TSPAN12: variants seen among roughly 807,000 people sequenced by gnomAD.
The protein encoded by TSPAN12 is tetraspanin 12.
In TSPAN12, 19 loss-of-function variants were observed where a neutral mutation model predicts 39.2. That is an observed-to-expected ratio of 0.49 (90% CI 0.34 to 0.71). The LOEUF (loss-of-function observed/expected upper bound fraction) is 0.71. Ranked by LOEUF, TSPAN12 falls within the 30% of genes least tolerant of loss-of-function variation. The pLI is 0.01. For synonymous variants in TSPAN12, 119 were observed against 124.8 expected, an observed-to-expected ratio of 0.95 and a Z score of 0.31; for missense variants, 314 against 359.9, an observed-to-expected ratio of 0.87 and a Z score of 1.03.
chr7:120,789,221 A>G (rs1381623874), intron 7 of TSPAN12, among the ~76,000 whole-genome samples: 1 of 152,178 alleles, frequency 6.6e-6, no homozygotes, highest in Non-Finnish European at 1.5e-5. Flanking sequence ...AGAGACAGAT[A>G]GTAAATATTT....
intron 4 of TSPAN12, among the ~76,000 whole-genome samples, chr7:120,824,777 TA>T (rs1481587257): frequency 6.6e-6 from 1 of 152,200 alleles, no homozygotes; most frequent in African/African-American, 2.4e-5. Flanking sequence ...TTCTAACTTT[TA>T]TTCATCTAAT....
At chr7:120,830,688 A>G (rs1251869569) in intron 4 of TSPAN12, among the ~76,000 whole-genome samples, 1 of 152,126 alleles carries the variant, frequency 6.6e-6, no homozygotes, top group African/African-American at 2.4e-5. Context: ...AAACTGTAAA[A>G]CTAGTAGAAG....
At chr7:120,853,493 T>TATATATATATAC (rs10639551) in intron 2 of TSPAN12, among the ~76,000 whole-genome samples, 73 of 145,918 alleles carry the variant, frequency 5.0e-4, no homozygotes, top group Admixed American at 1.2e-3. Context: ...TATATATATA[T>TATATATATATAC]ACACACACAT....
At chr7:120,851,147 G>A (rs1447077366) in intron 2 of TSPAN12, among the ~76,000 whole-genome samples, 1 of 152,180 alleles carries the variant, frequency 6.6e-6, no homozygotes, top group African/African-American at 2.4e-5. Context: ...ATTTTAATAT[G>A]ATTCATAAAT....
At chr7:120,834,380 T>C (rs1794439896) in intron 4 of TSPAN12, among the ~76,000 whole-genome samples, 1 of 152,212 alleles carries the variant, frequency 6.6e-6, no homozygotes, top group Admixed American at 6.5e-5. Context: ...ATGAAATTCA[T>C]GACCAAGGTT....
At chr7:120,840,546 T>C (rs912630880) in intron 2 of TSPAN12, among the ~76,000 whole-genome samples, 1 of 152,204 alleles carries the variant, frequency 6.6e-6, no homozygotes, top group Non-Finnish European at 1.5e-5. Flanking sequence ...ATTCAAATAA[T>C]TTAAGCATTA....
chr7:120,815,933 C>T lies in TSPAN12; in HGVS notation c.286-130G>A, dbSNP rs1257459558. 3 of 731,114 alleles carry T rather than the reference C, an allele frequency of 4.1e-6. No homozygotes were observed. In the East Asian group the frequency reaches 8.1e-5, roughly 20 times the overall value. 45.3% of individuals were successfully genotyped at this position (731,114 alleles called of 1,614,324 possible). Reference sequence around the variant, plus strand: ...AAGTTTTCATGAAGCCCCTCAGAAGCAGATGGGGAAATTATCAGCAAATTT... The same window carrying T: ...AAGTTTTCATGAAGCCCCTCAGAAGTAGATGGGGAAATTATCAGCAAATTT... On this transcript the variant is annotated intron_variant, in intron 4 of 7. Transcript: ENST00000222747.
intron 2 of TSPAN12, among the ~76,000 whole-genome samples, chr7:120,847,348 G>T (rs1033273692): frequency 6.6e-6 from 1 of 151,918 alleles, no homozygotes; most frequent in African/African-American, 2.4e-5. Context: ...CAGTCTGAAA[G>T]ATTAGACTAT....
At chr7:120,794,083 T>C (rs1793584558) in intron 7 of TSPAN12, among the ~76,000 whole-genome samples, 1 of 152,236 alleles carries the variant, frequency 6.6e-6, no homozygotes, top group Admixed American at 6.5e-5. Flanking sequence ...GCTTACTCTT[T>C]CCTTTAACTT....
chr7:120,831,955 A>T (rs1794398168), intron 4 of TSPAN12, among the ~76,000 whole-genome samples: 1 of 152,106 alleles, frequency 6.6e-6, no homozygotes, highest in Non-Finnish European at 1.5e-5. Context: ...TGATAATTAC[A>T]AATAAAAAAT....
chr7:120,851,905 T>C (rs7781969), intron 2 of TSPAN12, among the ~76,000 whole-genome samples: 7,531 of 152,272 alleles, frequency 0.049, 624 homozygotes, highest in African/African-American at 0.17. Flanking sequence ...ATCTGGCTTC[T>C]TCATGATGTG....
At chr7:120,825,407 A>T (rs1049294323) in intron 4 of TSPAN12, among the ~76,000 whole-genome samples, 5 of 152,124 alleles carry the variant, frequency 3.3e-5, no homozygotes, top group Admixed American at 2.0e-4. Context: ...TCTCCCCCCA[A>T]CTAAAAGTTA....
At chr7:120,849,254 A>C (rs1251569769) in intron 2 of TSPAN12, among the ~76,000 whole-genome samples, 1 of 152,230 alleles carries the variant, frequency 6.6e-6, no homozygotes, top group Non-Finnish European at 1.5e-5. Context: ...AGAAAGTGCT[A>C]GCTTTCAACA....
chr7:120,807,585 C>A (rs1208901503), intron 6 of TSPAN12, among the ~76,000 whole-genome samples: 1 of 152,078 alleles, frequency 6.6e-6, no homozygotes, highest in African/African-American at 2.4e-5. Flanking sequence ...ACTGGCTATG[C>A]AAATTATGCA....
intron 4 of TSPAN12, among the ~76,000 whole-genome samples, chr7:120,826,133 T>C (rs774548131): frequency 1.3e-5 from 2 of 152,204 alleles, no homozygotes; most frequent in South Asian, 4.1e-4. Flanking sequence ...AAATTGTATC[T>C]TAATTTACTC....
intron 2 of TSPAN12, among the ~76,000 whole-genome samples, chr7:120,849,551 G>A (rs1794732750): frequency 6.6e-6 from 1 of 152,186 alleles, no homozygotes. Flanking sequence ...GATGACAGCT[G>A]TCTAAAACCA....
chr7:120,848,616 C>T (rs1229431542), intron 2 of TSPAN12, among the ~76,000 whole-genome samples: 1 of 152,176 alleles, frequency 6.6e-6, no homozygotes, highest in Non-Finnish European at 1.5e-5. Context: ...TAAAACTTTG[C>T]ACTATACTCT....
chr7:120,842,448 TAA>T (rs10585886), intron 2 of TSPAN12, among the ~76,000 whole-genome samples: 50,999 of 130,456 alleles, frequency 0.39, 10,738 homozygotes, highest in African/African-American at 0.62. Context: ...TACAAACTGT[TAA>T]AAAAAAAAAA....
intron 4 of TSPAN12, among the ~76,000 whole-genome samples, chr7:120,829,379 C>A (rs1794348966): frequency 6.6e-6 from 1 of 151,752 alleles, no homozygotes; most frequent in Non-Finnish European, 1.5e-5. Flanking sequence ...AAAGCAAATA[C>A]TAACCATGAT....
Sources: allele counts gnomAD v4.1 joint callset (sites outside exome capture counted in the v4.1 genomes callset), GRCh38; gene constraint gnomAD v4.1.1; transcripts MANE v1.5; gene names NCBI Gene and HGNC (gene_info 2026-07-23, HGNC 2026-07-21).